DMD: variants seen among roughly 807,000 people sequenced by gnomAD.
DMD encodes dystrophin, also known as mutant dystrophin.
In DMD, 63 loss-of-function variants were observed where a neutral mutation model predicts 330.1. That is an observed-to-expected ratio of 0.19 (90% CI 0.16 to 0.24). DMD has a LOEUF of 0.24. Ranked by LOEUF, DMD falls within the 10% of genes least tolerant of loss-of-function variation. The pLI is 1.00. For synonymous variants in DMD, 1,223 were observed against 959.8 expected, an observed-to-expected ratio of 1.27 and a Z score of -5.07; for missense variants, 3,344 against 2,684.1, an observed-to-expected ratio of 1.25 and a Z score of -5.43.
At chrX:32,690,940 C>T (rs1323465523) in intron 9 of DMD, among the ~76,000 whole-genome samples, 1 of 109,428 alleles carries the variant, frequency 9.1e-6, no homozygotes, top group East Asian at 2.8e-4. Context: ...CAATTATTTC[C>T]AAAAGCACAA....
At chrX:32,733,442 C>A (rs2067994547) in intron 7 of DMD, among the ~76,000 whole-genome samples, 1 of 110,647 alleles carries the variant, frequency 9.0e-6, no homozygotes, top group Non-Finnish European at 1.9e-5. Flanking sequence ...CTCTCCACCC[C>A]AAATCAACAG....
intron 41 of DMD, among the ~76,000 whole-genome samples, chrX:32,317,820 A>G (rs1027869644): frequency 4.6e-4 from 44 of 95,626 alleles, no homozygotes; most frequent in Middle Eastern, 0.011. Context: ...GACCAAAAAC[A>G]GTAAAATAGT....
intron 47 of DMD, among the ~76,000 whole-genome samples, chrX:31,877,699 G>A (rs1350287128): frequency 9.4e-6 from 1 of 106,651 alleles, no homozygotes; most frequent in South Asian, 4.0e-4. Flanking sequence ...GTGTGTGCAC[G>A]CACGCGCGCA....
At chrX:32,233,679 C>T (rs1485503494) in intron 43 of DMD, among the ~76,000 whole-genome samples, 1 of 107,619 alleles carries the variant, frequency 9.3e-6, no homozygotes, top group Admixed American at 1.0e-4. Context: ...GTTGCCCCAG[C>T]TGGAGTGCAA....
intron 63 of DMD, among the ~76,000 whole-genome samples, chrX:31,230,595 G>A (rs1031293888): frequency 9.1e-6 from 1 of 109,521 alleles, no homozygotes; most frequent in South Asian, 4.1e-4. Flanking sequence ...GTTGTAGTGA[G>A]CTGAGATCGC....
chrX:31,131,004 G>C, intron 77 of DMD, among the ~76,000 whole-genome samples: 1 of 111,723 alleles, frequency 9.0e-6, no homozygotes, highest in Non-Finnish European at 1.9e-5. Flanking sequence ...CAGACCTCTG[G>C]CTCTCACATC....
chrX:32,905,099 G>A (rs997946067), intron 2 of DMD, among the ~76,000 whole-genome samples: 1 of 112,003 alleles, frequency 8.9e-6, no homozygotes, highest in Non-Finnish European at 1.9e-5. Context: ...AAATAAATAT[G>A]TAAAAAGTAC....
At chrX:32,887,785 A>C (rs1960056117) in intron 2 of DMD, among the ~76,000 whole-genome samples, 1 of 103,991 alleles carries the variant, frequency 9.6e-6, no homozygotes, top group Non-Finnish European at 2.0e-5. Flanking sequence ...AACATCAACT[A>C]AAAGCTTATG....
intron 43 of DMD, among the ~76,000 whole-genome samples, chrX:32,259,775 A>C (rs1022680989): frequency 1.5e-4 from 17 of 111,741 alleles, no homozygotes; most frequent in African/African-American, 5.5e-4. Context: ...AAGACAAGAT[A>C]AATTAGGACT....
intron 44 of DMD, among the ~76,000 whole-genome samples, chrX:32,132,928 C>A (rs1446853621): frequency 9.3e-6 from 1 of 107,227 alleles, no homozygotes; most frequent in Non-Finnish European, 1.9e-5. Context: ...AATAGAACGT[C>A]AGTTTTTGAG....
At chrX:32,651,408 G>A (rs928016028) in intron 9 of DMD, among the ~76,000 whole-genome samples, 1 of 111,981 alleles carries the variant, frequency 8.9e-6, no homozygotes, top group Non-Finnish European at 1.9e-5. Context: ...CTCCCAAAGT[G>A]CTGGGATTAC....
intron 1 of DMD, among the ~76,000 whole-genome samples, chrX:33,306,055 C>T (rs1318152277): frequency 1.8e-5 from 2 of 111,848 alleles, no homozygotes; most frequent in East Asian, 2.8e-4. Context: ...CTAGCCTGAG[C>T]CACACACAAT....
chrX:33,251,247 A>G (rs186047280), intron 1 of DMD, among the ~76,000 whole-genome samples: 59 of 112,021 alleles, frequency 5.3e-4, no homozygotes, highest in African/African-American at 1.8e-3. Context: ...TACTATAATA[A>G]AACCTACTTA....
chrX:32,328,451 A>G (rs774797436), intron 41 of DMD, among the ~76,000 whole-genome samples: 2 of 111,426 alleles, frequency 1.8e-5, no homozygotes, highest in Non-Finnish European at 3.8e-5. Flanking sequence ...TGCTCCTCAC[A>G]TGTGACAAAA....
intron 49 of DMD, among the ~76,000 whole-genome samples, chrX:31,823,288 T>C (rs1183907948): frequency 8.9e-6 from 1 of 112,549 alleles, no homozygotes; most frequent in Non-Finnish European, 1.9e-5. Flanking sequence ...CATGTGTCTT[T>C]CCAGTCAGAC....
chrX:31,690,706 C>T (rs899501452), intron 52 of DMD, among the ~76,000 whole-genome samples: 15 of 111,839 alleles, frequency 1.3e-4, no homozygotes, highest in African/African-American at 4.5e-4. Flanking sequence ...TAGCAAAGAC[C>T]TGGAACCAAT....
intron 66 of DMD, among the ~76,000 whole-genome samples, chrX:31,206,293 A>C (rs139189331): frequency 3.0e-4 from 34 of 112,686 alleles, no homozygotes; most frequent in African/African-American, 9.3e-4. Flanking sequence ...AAGAGGTTAG[A>C]AAATCAGACT....
chrX:31,391,211 C>T (rs763955980), intron 60 of DMD, among the ~76,000 whole-genome samples: 3 of 109,779 alleles, frequency 2.7e-5, no homozygotes, highest in African/African-American at 3.3e-5. Flanking sequence ...AGCACAGTGA[C>T]GTGATCTCGG....
rs138603865 is a variant in DMD, at chrX:31,327,999, T to C, written c.9164-4341A>G. Among the ~76,000 whole-genome samples, 1,046 of 112,541 alleles carry C rather than the reference T, an allele frequency of 9.3e-3. 8 individuals carry two copies. The highest frequency in any genetic ancestry group is 0.032 in the African/African-American group (985 of 31,035). ...GTATCAACATTTGTGTACAGGTGTT[T>C]GCATAAGCATAAGTTTTCATTTCTC... On this transcript the variant is annotated intron_variant, in intron 61 of 78. Coordinates refer to ENST00000357033, the MANE Select transcript of DMD (RefSeq NM_004006.3).
Sources: allele counts gnomAD v4.1 joint callset (sites outside exome capture counted in the v4.1 genomes callset), GRCh38; gene constraint gnomAD v4.1.1; transcripts MANE v1.5; gene names NCBI Gene and HGNC (gene_info 2026-07-23, HGNC 2026-07-21).